CFAP69: variants seen among roughly 807,000 people sequenced by gnomAD.
CFAP69 encodes the protein cilia- and flagella-associated protein 69.
In CFAP69, 92 loss-of-function variants were observed where a neutral mutation model predicts 123.0. The observed-to-expected ratio is 0.75, with a 90% CI of 0.63 to 0.89. The LOEUF is 0.89. Ranked by LOEUF, CFAP69 falls within the 40% of genes least tolerant of loss-of-function variation. The pLI, the probability that CFAP69 is intolerant of heterozygous loss-of-function variation, is 0.00. For missense variants in CFAP69, 1,067 were observed against 1,096.9 expected (o/e 0.97, Z 0.39); for synonymous variants, 380 against 364.3 (o/e 1.04, Z -0.49).
intron 6 of CFAP69, among the ~76,000 whole-genome samples, chr7:90,270,989 G>A (rs777859872): frequency 1.3e-5 from 2 of 151,992 alleles, no homozygotes; most frequent in Non-Finnish European, 2.9e-5. Context: ...CTACGTAATT[G>A]TTGTCCCTTG....
chr7:90,260,289 T>G (rs188995887), intron 3 of CFAP69, among the ~76,000 whole-genome samples: 1 of 151,436 alleles, frequency 6.6e-6, no homozygotes, highest in Admixed American at 6.6e-5. Context: ...ACCCTAGGAG[T>G]CTGAGGCAGG....
At chr7:90,249,144 G>A (rs1796673596) in intron 1 of CFAP69, among the ~76,000 whole-genome samples, 1 of 152,156 alleles carries the variant, frequency 6.6e-6, no homozygotes, top group African/African-American at 2.4e-5. Context: ...GAGGGACCTG[G>A]TGGGAGGTGA....
At chr7:90,317,331 A>C in the CFAP69 span, 1 of 152,166 alleles carries the variant, frequency 6.6e-6, no homozygotes, top group Non-Finnish European at 1.5e-5. Flanking sequence ...TTTGTCATAT[A>C]AATTCCACAA....
intron 5 of CFAP69, chr7:90,266,266 C>A (rs1799148661): frequency 6.6e-6 from 1 of 151,856 alleles, no homozygotes; most frequent in African/African-American, 2.4e-5. Context: ...GGAAAACTAC[C>A]TAGGGTTCAC....
At chr7:90,259,817 T>C (rs1321728541) in intron 3 of CFAP69, among the ~76,000 whole-genome samples, 1 of 152,168 alleles carries the variant, frequency 6.6e-6, no homozygotes, top group Admixed American at 6.5e-5. Flanking sequence ...ATATATGCTA[T>C]TGTAAAATAC....
chr7:90,279,703 G>T lies in CFAP69; in HGVS notation c.1182G>T (p.Leu394Phe). ...TATTAATTGATGGCAAAGTTATTTT[G>T]GCTTTGTTTACCTATGTTAAGAAGC... ...VQLLIDGKVILALFTYVKKPE... is the reference protein window; with the variant it reads ...VQLLIDGKVIFALFTYVKKPE... Residue 394 changes from leucine (L) to phenylalanine (F), a missense_variant, in exon 12 of 23, where the codon TTG becomes TTT. Transcript: ENST00000389297. The T allele has an allele frequency of 6.2e-7, 1 of 1,601,018 alleles. No homozygotes were observed. Among genetic ancestry groups the T allele is most frequent in the South Asian group, 1.1e-5 (1 of 88,590 alleles).
chr7:90,253,040 C>T (rs1323352182), intron 1 of CFAP69, among the ~76,000 whole-genome samples: 8 of 152,124 alleles, frequency 5.3e-5, no homozygotes, highest in African/African-American at 1.9e-4. Context: ...AAAATAGATG[C>T]ATTTACTACA....
chr7:90,278,476 T>C (rs1350194390), intron 11 of CFAP69, among the ~76,000 whole-genome samples: 1 of 152,112 alleles, frequency 6.6e-6, no homozygotes, highest in Non-Finnish European at 1.5e-5. Flanking sequence ...TTTTCCAAAA[T>C]GCAAATGGAA....
chr7:90,283,173 A>C, intron 13 of CFAP69, 117 bp downstream of exon 13: 1 of 741,730 alleles, frequency 1.3e-6, no homozygotes, highest in South Asian at 4.7e-5. Flanking sequence ...ATTCCTGAAT[A>C]TTTTCTTGAT....
chr7:90,249,839 C>T lies in CFAP69; in HGVS notation c.120+4295C>T, dbSNP rs1159744046. 5.3e-5 allele frequency among the ~76,000 whole-genome samples: 8 copies of T among 152,068 alleles called. No individual in the cohort carries two copies. The East Asian group carries it at 1.3e-3, about 26-fold the overall frequency. ...GATGCTTGTGCTGCTAGTTGGAGGACCTCATTTCCCACTTTGAATAACAAT... is the reference window on the plus strand; with the variant it reads ...GATGCTTGTGCTGCTAGTTGGAGGATCTCATTTCCCACTTTGAATAACAAT... On this transcript the variant is annotated intron_variant, in intron 1 of 22. Coordinates refer to ENST00000389297, the MANE Select transcript of CFAP69 (RefSeq NM_001039706.3).
Position 90,307,725 on chromosome 7 carries a change from A to G in CFAP69, c.2464-43A>G, listed in dbSNP as rs201105450. 60 of 1,306,344 alleles carry G rather than the reference A, an allele frequency of 4.6e-5. No individual in the cohort carries two copies. The Admixed American group carries it at 7.0e-4, about 15-fold the overall frequency. The allele number at this position is 1,306,344 out of a possible 1,614,324, so 80.9% of individuals were successfully genotyped here. A position where few individuals can be genotyped will look rare whatever the true frequency, so the allele number is the denominator to read the frequency against. The stretch of plus-strand genomic sequence containing the variant: ...TGAGGTTCTGTCTCAAAAAAAAAAA[A>G]GAAAAAAAAGAAACTGAAACTTAAT... On this transcript the variant is annotated intron_variant, in intron 20 of 22. Coordinates refer to ENST00000389297, the MANE Select transcript of CFAP69 (RefSeq NM_001039706.3).
chr7:90,297,870 A>G (rs1195606040), intron 16 of CFAP69, 40 bp downstream of exon 16: 1 of 1,366,354 alleles, frequency 7.3e-7, no homozygotes, highest in East Asian at 2.5e-5. Context: ...AAAGACAAAT[A>G]TGTCTATTAA....
chr7:90,304,521 A>G (rs1214929723), intron 18 of CFAP69: 5 of 1,316,700 alleles, frequency 3.8e-6, no homozygotes, highest in African/African-American at 1.5e-5. Context: ...TGATTCCTAT[A>G]TATTGGATGA....
chr7:90,264,101 AAAAATATATAT>A (rs1209473586), intron 4 of CFAP69, among the ~76,000 whole-genome samples: 1 of 31,872 alleles, frequency 3.1e-5, no homozygotes, highest in African/African-American at 1.0e-4. Flanking sequence ...GAAAAAAAAA[AAAAATATATAT>A]ATATATATAT....
chr7:90,296,366 C>T (rs1245138187), intron 15 of CFAP69, among the ~76,000 whole-genome samples: 1 of 151,880 alleles, frequency 6.6e-6, no homozygotes, highest in African/African-American at 2.4e-5. Flanking sequence ...CTCATTCTGT[C>T]ACCCAGCCCG....
At chr7:90,261,830 C>A in intron 3 of CFAP69, 117 bp from the exon 4 acceptor site, 1 of 484,674 alleles carries the variant, frequency 2.1e-6, no homozygotes, top group East Asian at 3.7e-5. Context: ...AAAACAGTAT[C>A]TACCACATTT....
At chr7:90,296,241 C>T (rs987420947) in intron 15 of CFAP69, among the ~76,000 whole-genome samples, 6 of 152,142 alleles carry the variant, frequency 3.9e-5, no homozygotes, top group African/African-American at 9.7e-5. Context: ...ACAGCAATGT[C>T]GACAAGGCCT....
In CFAP69 at chr7:90,310,198, T is replaced by C; in HGVS notation, c.2786T>C (p.Val929Ala). The change falls in exon 23 of 23, where the codon GTT becomes GCT. Residue 929 changes from valine to alanine, a missense_variant. By Grantham distance (64) the Val-to-Ala change is moderately conservative (BLOSUM62 0). Coordinates refer to ENST00000389297, the MANE Select transcript of CFAP69 (RefSeq NM_001039706.3). ...RGGALQRVKAVKIVDAPKKSI... is the reference protein window; with the variant it reads ...RGGALQRVKAAKIVDAPKKSI... Reference sequence around the variant, plus strand: ...GGAGCCTTGCAGAGGGTGAAAGCAGTTAAAATTGTGGATGCACCAAAAAAG... The same window carrying C: ...GGAGCCTTGCAGAGGGTGAAAGCAGCTAAAATTGTGGATGCACCAAAAAAG... The C allele has an allele frequency of 6.2e-7, 1 of 1,613,812 alleles. No individual in the cohort carries two copies. The highest frequency in any genetic ancestry group is 8.5e-7 in the Non-Finnish European group (1 of 1,179,820).
Position 90,271,579 on chromosome 7 carries a change from T to C in CFAP69, c.586T>C (p.Leu196=). 2 of 1,613,238 alleles carry C rather than the reference T, an allele frequency of 1.2e-6. No individual in the cohort carries two copies. Among genetic ancestry groups the C allele is most frequent in the Non-Finnish European group, 8.5e-7 (1 of 1,179,670 alleles). Residue 196 remains leucine (L), a synonymous_variant, in exon 7 of 23, where the codon TTA becomes CTA. Coordinates refer to ENST00000389297, the MANE Select transcript of CFAP69 (RefSeq NM_001039706.3). ...GATTCAAATGGCTGAAGTTGGAGGATTAGCAAAAACAATGGTCCAGTCAAT... is the reference window on the plus strand; with the variant it reads ...GATTCAAATGGCTGAAGTTGGAGGACTAGCAAAAACAATGGTCCAGTCAAT... The part of the protein sequence containing the change: ...YKIQMAEVGG[L]AKTMVQSMTL...
Sources: gnomAD v4.1 joint callset for allele counts (sites outside exome capture counted in the v4.1 genomes callset) on GRCh38, gnomAD v4.1.1 for gene constraint, MANE v1.5 for transcripts, NCBI Gene and HGNC (gene_info 2026-07-23, HGNC 2026-07-21) for gene names.